SYN3: variants seen among roughly 807,000 people sequenced by gnomAD.
SYN3 encodes the protein synapsin III, also known as synapsin-3.
A neutral mutation model predicts 65.8 loss-of-function variants in SYN3; 35 were observed. That is an observed-to-expected ratio of 0.53 (90% CI 0.41 to 0.70). The LOEUF (loss-of-function observed/expected upper bound fraction) is 0.70. Among genes scored for constraint, SYN3 ranks in the 30% least tolerant of loss-of-function variants. The probability of loss-of-function intolerance (pLI) is 0.00; values close to 1 mark genes in which losing one functional copy is unlikely to be tolerated. For missense variants in SYN3, 680 were observed against 749.0 expected (o/e 0.91, Z 1.08); for synonymous variants, 270 against 292.9 (o/e 0.92, Z 0.80).
intron 6 of SYN3, among the ~76,000 whole-genome samples, chr22:32,771,595 C>T (rs1012620111): frequency 6.6e-6 from 1 of 152,228 alleles, no homozygotes. Flanking sequence ...ATCTGCCTGC[C>T]TCCCTCACAG....
At chr22:32,726,382 C>G (rs1320748000) in intron 6 of SYN3, among the ~76,000 whole-genome samples, 1 of 152,326 alleles carries the variant, frequency 6.6e-6, no homozygotes, top group South Asian at 2.1e-4. Context: ...ACATCATGAT[C>G]TGCCCGCCTT....
At chr22:32,626,933 G>A (rs957014575) in intron 6 of SYN3, among the ~76,000 whole-genome samples, 2 of 152,208 alleles carry the variant, frequency 1.3e-5, no homozygotes, top group East Asian at 1.9e-4. Context: ...TGGACACCTG[G>A]TTGGTTGGCA....
In SYN3 at chr22:32,898,593, T is replaced by C. The variant is rs1244454779; in HGVS notation, c.462-29468A>G. Among the ~76,000 whole-genome samples, 4 of 152,304 alleles carry C rather than the reference T, an allele frequency of 2.6e-5. No individual in the cohort carries two copies. In the East Asian group the frequency reaches 7.7e-4, roughly 29 times the overall value. On this transcript the variant is annotated intron_variant, in intron 4 of 13. Transcript: ENST00000358763. ...CCTAAATATTCATCAAATGAAGAAA[T>C]GGCACTGTTGTCAGGATTGAATGAA...
At chr22:32,523,427 CG>C (rs2057922415) in intron 12 of SYN3, among the ~76,000 whole-genome samples, 1 of 152,236 alleles carries the variant, frequency 6.6e-6, no homozygotes, top group African/African-American at 2.4e-5. Context: ...GCAGGAGAAT[CG>C]CTTGAGCCCA....
chr22:32,972,226 A>G (rs1411820815), intron 3 of SYN3, among the ~76,000 whole-genome samples: 1 of 152,266 alleles, frequency 6.6e-6, no homozygotes, highest in Admixed American at 6.5e-5. Flanking sequence ...TTGAAATGAC[A>G]TAAGTTTAGC....
chr22:32,806,284 TA>T (rs1201206610), intron 6 of SYN3, among the ~76,000 whole-genome samples: 4 of 152,158 alleles, frequency 2.6e-5, no homozygotes, highest in African/African-American at 9.7e-5. Context: ...TAGATAAGGC[TA>T]GAAAAGTGGC....
At chr22:32,749,708 C>T (rs944408415) in intron 6 of SYN3, among the ~76,000 whole-genome samples, 2 of 152,286 alleles carry the variant, frequency 1.3e-5, no homozygotes, top group Non-Finnish European at 2.9e-5. Context: ...ATTCAGTCTA[C>T]GGCATTAGTC....
intron 7 of SYN3, among the ~76,000 whole-genome samples, chr22:32,580,221 G>A (rs753311978): frequency 3.3e-5 from 5 of 152,230 alleles, no homozygotes; most frequent in Admixed American, 1.3e-4. Flanking sequence ...CAAAGCCAGC[G>A]CACCACCCGT....
At chr22:32,521,160 T>G (rs2057874421) in intron 12 of SYN3, among the ~76,000 whole-genome samples, 1 of 152,192 alleles carries the variant, frequency 6.6e-6, no homozygotes, top group Non-Finnish European at 1.5e-5. Context: ...AATGAGGCTT[T>G]CAAAAATTTG....
In SYN3 at chr22:32,849,502, G is replaced by A. The variant is rs144942953; in HGVS notation, c.711+15413C>T. On this transcript the variant is annotated intron_variant, in intron 6 of 13. Transcript: ENST00000358763. ...GAAGCTGGTAAAGGAGGGGCCCTTC[G>A]GCACGCTGGTCTACACCATCAAGCA... The A allele has an allele frequency of 3.1e-6, 5 of 1,613,626 alleles. No homozygotes were observed. Among genetic ancestry groups the A allele is most frequent in the Non-Finnish European group, 2.5e-6 (3 of 1,179,850 alleles).
intron 6 of SYN3, among the ~76,000 whole-genome samples, chr22:32,691,731 G>A (rs2060663883): frequency 6.6e-6 from 1 of 151,838 alleles, no homozygotes; most frequent in African/African-American, 2.4e-5. Context: ...GGTGGTGGCG[G>A]GGAGAGAAAA....
chr22:32,546,155 C>T (rs923816955), intron 7 of SYN3, among the ~76,000 whole-genome samples: 7 of 152,120 alleles, frequency 4.6e-5, no homozygotes, highest in African/African-American at 1.4e-4. Flanking sequence ...CAATAAAAAA[C>T]GGATTCTACC....
chr22:32,674,505 G>T (rs977093176), intron 6 of SYN3, among the ~76,000 whole-genome samples: 3 of 152,204 alleles, frequency 2.0e-5, no homozygotes, highest in African/African-American at 7.2e-5. Context: ...TGACACACAG[G>T]AGATGCACAG....
intron 6 of SYN3, among the ~76,000 whole-genome samples, chr22:32,657,577 C>T (rs1156878358): frequency 3.3e-5 from 5 of 152,140 alleles, no homozygotes; most frequent in Non-Finnish European, 7.3e-5. Context: ...AGGGGCTACT[C>T]GCATTCAGGC....
chr22:32,981,449 G>C (rs1342388770), intron 2 of SYN3, among the ~76,000 whole-genome samples: 1 of 151,824 alleles, frequency 6.6e-6, no homozygotes, highest in Non-Finnish European at 1.5e-5. Context: ...GCCAGGCATG[G>C]TGGCACATGC....
chr22:32,646,002 A>G (rs2059978834), intron 6 of SYN3, among the ~76,000 whole-genome samples: 1 of 152,128 alleles, frequency 6.6e-6, no homozygotes, highest in Admixed American at 6.5e-5. Flanking sequence ...GGACCTGCAC[A>G]TTACTTCCTG....
At chr22:32,586,609 A>G (rs1378895302) in intron 7 of SYN3, among the ~76,000 whole-genome samples, 2 of 152,172 alleles carry the variant, frequency 1.3e-5, no homozygotes, top group Non-Finnish European at 2.9e-5. Flanking sequence ...CAAGAAGGAC[A>G]CTTGTTTACG....
At chr22:32,524,703 G>C (rs2187749) in intron 12 of SYN3, among the ~76,000 whole-genome samples, 49,723 of 152,018 alleles carry the variant, frequency 0.33, 8,540 homozygotes, top group East Asian at 0.61. Context: ...AAAATCTGAG[G>C]TCATATTATT....
chr22:32,882,445 A>G (rs907972701), intron 4 of SYN3, among the ~76,000 whole-genome samples: 1 of 152,192 alleles, frequency 6.6e-6, no homozygotes, highest in African/African-American at 2.4e-5. Flanking sequence ...GATTTGACAA[A>G]CTCAGTTGTG....
Sources: allele counts gnomAD v4.1 joint callset (sites outside exome capture counted in the v4.1 genomes callset), GRCh38; gene constraint gnomAD v4.1.1; transcripts MANE v1.5; gene names NCBI Gene and HGNC (gene_info 2026-07-23, HGNC 2026-07-21).